LMX1B: variants seen among roughly 807,000 people sequenced by gnomAD.
LMX1B encodes LIM homeobox transcription factor 1-beta.
In LMX1B, 12 loss-of-function variants were observed where a neutral mutation model predicts 51.4. The ratio of observed to expected loss-of-function variants is 0.23; its 90% CI spans 0.15 to 0.38. The LOEUF is 0.38. LMX1B is among the 10% of genes least tolerant of loss of function. The pLI is 1.00. For synonymous variants in LMX1B, 237 were observed against 235.4 expected (o/e 1.01, Z -0.06); for missense variants, 445 against 571.1 (o/e 0.78, Z 2.25).
chr9:126,694,462 G>T (rs1277867835), intron 6 of LMX1B, among the ~76,000 whole-genome samples: 1 of 152,218 alleles, frequency 6.6e-6, no homozygotes, highest in African/African-American at 2.4e-5. Context: ...AGCTGCAGGG[G>T]CATGAGTCAG....
At chr9:126,668,106 A>G (rs1279511999) in intron 2 of LMX1B, among the ~76,000 whole-genome samples, 1 of 152,162 alleles carries the variant, frequency 6.6e-6, no homozygotes, top group African/African-American at 2.4e-5. Flanking sequence ...CTGGCAGGTT[A>G]GGAAACGGAG....
intron 2 of LMX1B, among the ~76,000 whole-genome samples, chr9:126,627,462 AGAGAAG>A (rs1353109139): frequency 5.9e-5 from 9 of 152,052 alleles, no homozygotes; most frequent in Non-Finnish European, 1.5e-5. Flanking sequence ...AAGGGAAAGC[AGAGAAG>A]GAGGCTCACT....
chr9:126,620,655 C>G (rs958057729), intron 2 of LMX1B, among the ~76,000 whole-genome samples: 1 of 151,908 alleles, frequency 6.6e-6, no homozygotes, highest in Non-Finnish European at 1.5e-5. Flanking sequence ...GGAGGGTGGC[C>G]GGGTGTCCTG....
chr9:126,655,717 T>C (rs1185948198), intron 2 of LMX1B, among the ~76,000 whole-genome samples: 2 of 152,238 alleles, frequency 1.3e-5, no homozygotes, highest in African/African-American at 4.8e-5. Context: ...TTGTTTTGTT[T>C]TAGGTATTGT....
Position 126,665,375 on chromosome 9 carries a change from C to G in LMX1B, c.327-25461C>G, listed in dbSNP as rs146504524. ...TTCCGCAGCCCTGCTAACCGCTGCT[C>G]CTGACTCTGGTGGCTAAATTGAGTC... On this transcript the variant is annotated intron_variant, in intron 2 of 7. Coordinates refer to ENST00000373474, the MANE Select transcript of LMX1B (RefSeq NM_001174147.2). Among the ~76,000 whole-genome samples the G allele has an allele frequency of 2.0e-3, 307 of 152,290 alleles. 2 individuals are homozygous for G. The highest frequency in any genetic ancestry group is 6.1e-3 in the African/African-American group (253 of 41,564).
chr9:126,645,379 T>C (rs968627854), intron 2 of LMX1B, among the ~76,000 whole-genome samples: 6 of 152,202 alleles, frequency 3.9e-5, no homozygotes, highest in Admixed American at 3.9e-4. Flanking sequence ...GAGGGAGACA[T>C]ACATGGGATC....
At position 126,693,613 on chromosome 9, in the gene LMX1B, C is replaced by G; in HGVS notation, c.819+12C>G. On this transcript the variant is annotated intron_variant, in intron 5 of 7. Transcript: ENST00000373474. ...ACCAAAGAGCAAAGGTAAGAGGCCACCCCCCATCCCCACTGGCCCCGGGTA... is the reference window on the plus strand; with the variant it reads ...ACCAAAGAGCAAAGGTAAGAGGCCAGCCCCCATCCCCACTGGCCCCGGGTA... 2 of 1,613,520 alleles carry G rather than the reference C, an allele frequency of 1.2e-6. No homozygotes were observed. Among genetic ancestry groups the G allele is most frequent in the Non-Finnish European group, 1.7e-6 (2 of 1,179,486 alleles).
Position 126,695,840 on chromosome 9 carries a change from G to A in LMX1B, c.888G>A (p.Glu296=). Residue 296 remains glutamate, a splice_region_variant and synonymous_variant, in exon 7 of 8, where the codon GAG becomes GAA. Transcript: ENST00000373474. This position sits in a 1 kb window ranked among gnomAD's most constrained non-coding sequence, Gnocchi z 5.2. ...GGTGAAGGCTCACTGTGCCCCCAGA[G>A]GTCCTGTCCAGCCGCATGGAGGGCA... The part of the protein sequence containing the change: ...EQQNSQRLGQ[E]VLSSRMEGMM... 1.9e-6 allele frequency: 3 copies of A among 1,612,844 alleles called. No individual in the cohort carries two copies. Among genetic ancestry groups the A allele is most frequent in the Admixed American group, 1.7e-5 (1 of 59,960 alleles).
Position 126,615,720 on chromosome 9 carries a change from G to A in LMX1B, c.326+151G>A, listed in dbSNP as rs1266518041. On this transcript the variant is annotated intron_variant, in intron 2 of 7. Coordinates refer to ENST00000373474, the MANE Select transcript of LMX1B (RefSeq NM_001174147.2). The surrounding 1 kb of genome is among the most constrained non-coding windows in gnomAD (Gnocchi z 6.0). Reference sequence around the variant, plus strand: ...GGGTTCCGAGAGCTGCGCGTCTTGGGGCTGGGGCGGACCAGCCCAGCCCAG... The same window carrying A: ...GGGTTCCGAGAGCTGCGCGTCTTGGAGCTGGGGCGGACCAGCCCAGCCCAG... 2 of 701,838 alleles carry A rather than the reference G, an allele frequency of 2.8e-6. No homozygotes were observed. Among genetic ancestry groups the A allele is most frequent in the Non-Finnish European group, 4.4e-6 (2 of 459,490 alleles). 43.5% of individuals were successfully genotyped at this position (701,838 alleles called of 1,614,324 possible).
chr9:126,617,575 G>T (rs13293909), intron 2 of LMX1B, among the ~76,000 whole-genome samples: 1 of 151,916 alleles, frequency 6.6e-6, no homozygotes, highest in Admixed American at 6.6e-5. Flanking sequence ...TGTTGCCTTA[G>T]AGATGAGCGG....
intron 2 of LMX1B, among the ~76,000 whole-genome samples, chr9:126,627,066 G>A (rs754396556): frequency 3.3e-5 from 5 of 152,198 alleles, no homozygotes; most frequent in Admixed American, 6.5e-5. Flanking sequence ...AGGAGGCCTC[G>A]GAGACTGGTG....
At chr9:126,623,900 C>A (rs1835468160) in intron 2 of LMX1B, among the ~76,000 whole-genome samples, 1 of 152,230 alleles carries the variant, frequency 6.6e-6, no homozygotes, top group African/African-American at 2.4e-5. Context: ...CACCCGCGCA[C>A]CCCTCCAGGC....
chr9:126,687,808 A>G (rs1282955356), intron 2 of LMX1B, among the ~76,000 whole-genome samples: 1 of 152,096 alleles, frequency 6.6e-6, no homozygotes, highest in Non-Finnish European at 1.5e-5. Context: ...TTCCAATGCC[A>G]CCTGTCTGTG....
intron 2 of LMX1B, among the ~76,000 whole-genome samples, chr9:126,639,186 A>C (rs1217882373): frequency 1.3e-5 from 2 of 152,222 alleles, no homozygotes; most frequent in East Asian, 3.9e-4. Context: ...AGAGACAGTG[A>C]GGCAGGGGCA....
chr9:126,651,316 C>G (rs1836001984), intron 2 of LMX1B, among the ~76,000 whole-genome samples: 1 of 151,762 alleles, frequency 6.6e-6, no homozygotes, highest in Non-Finnish European at 1.5e-5. Flanking sequence ...TGGCTCCAAG[C>G]TGCCCCGGGA....
chr9:126,686,677 G>T lies in LMX1B; in HGVS notation c.327-4159G>T, dbSNP rs145712407. ...ATGGTGCCCAGGGCCCAGGGTAAGG[G>T]CAGCTTATGAGCAAAGGCACATGGA... On this transcript the variant is annotated intron_variant, in intron 2 of 7. Transcript: ENST00000373474. Among the ~76,000 whole-genome samples, 718 of 152,272 alleles carry T rather than the reference G, an allele frequency of 4.7e-3. 5 individuals are homozygous for T. The highest frequency in any genetic ancestry group is 0.016 in the African/African-American group (685 of 41,550).
chr9:126,680,127 G>A (rs865874599), intron 2 of LMX1B, among the ~76,000 whole-genome samples: 2 of 152,220 alleles, frequency 1.3e-5, no homozygotes, highest in Admixed American at 6.5e-5. Context: ...TGGACTGTGG[G>A]CGCCATCATC....
At chr9:126,672,524 T>A (rs1464082397) in intron 2 of LMX1B, among the ~76,000 whole-genome samples, 2 of 152,194 alleles carry the variant, frequency 1.3e-5, no homozygotes, top group Non-Finnish European at 2.9e-5. Context: ...TGGAATGCTT[T>A]ACGCCCTGGG....
intron 2 of LMX1B, among the ~76,000 whole-genome samples, chr9:126,631,605 T>C (rs1200117973): frequency 2.0e-5 from 3 of 152,146 alleles, no homozygotes; most frequent in Non-Finnish European, 4.4e-5. Context: ...AGGGCAGAGC[T>C]GAGCAGAAAT....
Sources: gnomAD v4.1 joint callset for allele counts (sites outside exome capture counted in the v4.1 genomes callset) on GRCh38, gnomAD v4.1.1 for gene constraint, Gnocchi (gnomAD v3.1) non-coding constraint, MANE v1.5 for transcripts, NCBI Gene and HGNC (gene_info 2026-07-23, HGNC 2026-07-21) for gene names.